RAB8B: variants seen among roughly 807,000 people sequenced by gnomAD.
RAB8B encodes ras-related protein Rab-8B.
RAB8B carries 11 observed loss-of-function variants against 32.0 expected under a neutral mutation model. That is an observed-to-expected ratio of 0.34 (90% CI 0.22 to 0.57). The LOEUF (loss-of-function observed/expected upper bound fraction) is 0.57, where lower values mean the gene tolerates loss of function less well. Among genes scored for constraint, RAB8B ranks in the 20% least tolerant of loss-of-function variants. RAB8B has a pLI of 0.86. For missense variants in RAB8B, 190 were observed against 258.5 expected, an observed-to-expected ratio of 0.73 and a Z score of 1.82; for synonymous variants, 103 against 89.6, an observed-to-expected ratio of 1.15 and a Z score of -0.85.
At chr15:63,202,799 C>T (rs1189244348) in intron 1 of RAB8B, among the ~76,000 whole-genome samples, 1 of 152,194 alleles carries the variant, frequency 6.6e-6, no homozygotes, top group Non-Finnish European at 1.5e-5. Flanking sequence ...AAGTTTTCCT[C>T]GCAGACACAG....
At chr15:63,251,317 C>G (rs1169109469) in intron 3 of RAB8B, 1 of 455,904 alleles carries the variant, frequency 2.2e-6, no homozygotes, top group East Asian at 7.0e-5. Flanking sequence ...AACATCATAA[C>G]AGGGATGATT....
At chr15:63,201,400 C>T (rs566921063) in intron 1 of RAB8B, among the ~76,000 whole-genome samples, 6 of 152,270 alleles carry the variant, frequency 3.9e-5, no homozygotes, top group African/African-American at 1.4e-4. Flanking sequence ...CTGGGCAGAG[C>T]CACTCCTGCC....
At chr15:63,206,029 G>A (rs560282589) in intron 1 of RAB8B, among the ~76,000 whole-genome samples, 1 of 152,308 alleles carries the variant, frequency 6.6e-6, no homozygotes, top group East Asian at 1.9e-4. Flanking sequence ...TAGGCACACA[G>A]TATCTGTTTG....
At chr15:63,229,052 T>C (rs1252799907) in intron 1 of RAB8B, among the ~76,000 whole-genome samples, 3 of 152,242 alleles carry the variant, frequency 2.0e-5, no homozygotes, top group African/African-American at 7.2e-5. Context: ...GCCACGTTTA[T>C]AACATGATAA....
rs752724450 is a variant in RAB8B, at chr15:63,259,700, G to A, written c.480+8G>A. 1.2e-6 allele frequency: 2 copies of A among 1,612,588 alleles called. No homozygotes were observed. The highest frequency in any genetic ancestry group is 1.7e-6 in the Non-Finnish European group (2 of 1,178,568). On this transcript the variant is annotated splice_region_variant and intron_variant, in intron 6 of 7. Transcript: ENST00000321437. The surrounding 1 kb of genome is among the most constrained non-coding windows in gnomAD (Gnocchi z 4.4). ...AGTGCAAATGTAGAAGAGGTAAGAA[G>A]GAAACGTTTGGTGACTGTTACGGAG...
intron 1 of RAB8B, among the ~76,000 whole-genome samples, chr15:63,211,716 ACTAGTCAAT>A (rs1433164970): frequency 6.6e-6 from 1 of 152,210 alleles, no homozygotes; most frequent in Non-Finnish European, 1.5e-5. Context: ...ATTGACTGAC[ACTAGTCAAT>A]TGCAACTAGT....
At position 63,230,987 on chromosome 15, in the gene RAB8B, C is replaced by G. The variant is rs576992199; in HGVS notation, c.125-13769C>G. Among the ~76,000 whole-genome samples the G allele has an allele frequency of 4.6e-5, 7 of 152,258 alleles. No homozygotes were observed. The East Asian group carries it at 1.4e-3, about 29-fold the overall frequency. On this transcript the variant is annotated intron_variant, in intron 1 of 7. Transcript: ENST00000321437. Reference sequence around the variant, plus strand: ...ATTTGGTAAAGACCCTTCCTCCTCCCCTCTCTACTAAAATGTTTATTTGTA... The same window carrying G: ...ATTTGGTAAAGACCCTTCCTCCTCCGCTCTCTACTAAAATGTTTATTTGTA...
intron 3 of RAB8B, among the ~76,000 whole-genome samples, chr15:63,254,062 A>G (rs766042054): frequency 2.0e-5 from 3 of 152,184 alleles, no homozygotes; most frequent in Admixed American, 2.0e-4. Flanking sequence ...CCCTCCGCCC[A>G]TTAGATCTGT....
chr15:63,263,175 C>T (rs1036486419), intron 7 of RAB8B, among the ~76,000 whole-genome samples: 1 of 152,172 alleles, frequency 6.6e-6, no homozygotes, highest in African/African-American at 2.4e-5. Flanking sequence ...GCTACTAACT[C>T]TTCTTACCTC....
rs1442115676 is a variant in RAB8B, at chr15:63,263,701, TCA to T, written c.*86_*87del. 3 of 1,130,936 alleles carry T rather than the reference TCA, an allele frequency of 2.7e-6. No homozygotes were observed. Among genetic ancestry groups the T allele is most frequent in the African/African-American group, 3.1e-5 (2 of 64,910 alleles). 70.1% of individuals were successfully genotyped at this position (1,130,936 alleles called of 1,614,324 possible). A position where few individuals can be genotyped will look rare whatever the true frequency, so the allele number is the denominator to read the frequency against. On this transcript the variant is annotated 3_prime_UTR_variant, in exon 8 of 8. Transcript: ENST00000321437. Reference sequence around the variant, plus strand: ...AAGCACAGGTCACCCAGCCTCAGAATCACACCTCCCGGCTGCTGCTGAGAGCA... The same window carrying T: ...AAGCACAGGTCACCCAGCCTCAGAATCACCTCCCGGCTGCTGCTGAGAGCA...
intron 3 of RAB8B, chr15:63,251,142 A>G: frequency 2.5e-6 from 1 of 393,262 alleles, no homozygotes; most frequent in East Asian, 7.1e-5. Context: ...ACCCTATAAT[A>G]CTTTTAAGAT....
chr15:63,235,064 G>T lies in RAB8B; in HGVS notation c.125-9692G>T, dbSNP rs568364097. 2.0e-5 allele frequency among the ~76,000 whole-genome samples: 3 copies of T among 152,212 alleles called. No homozygotes were observed. The East Asian group carries it at 5.8e-4, about 29-fold the overall frequency. Reference sequence around the variant, plus strand: ...CTTGATCCAATCTGAACTTGATCCAGTATTAGTTACCTGGAAATCTGACAT... The same window carrying T: ...CTTGATCCAATCTGAACTTGATCCATTATTAGTTACCTGGAAATCTGACAT... On this transcript the variant is annotated intron_variant, in intron 1 of 7. Coordinates refer to ENST00000321437, the MANE Select transcript of RAB8B (RefSeq NM_016530.3).
chr15:63,254,279 C>T (rs1235823565), intron 3 of RAB8B, among the ~76,000 whole-genome samples: 1 of 152,216 alleles, frequency 6.6e-6, no homozygotes, highest in African/African-American at 2.4e-5. Context: ...CCCCTGCCCA[C>T]TCCAGCCCCT....
chr15:63,200,427 A>G (rs539547945), intron 1 of RAB8B, among the ~76,000 whole-genome samples: 1 of 152,356 alleles, frequency 6.6e-6, no homozygotes, highest in Non-Finnish European at 1.5e-5. Flanking sequence ...CTTATTGAAA[A>G]TTGTAAAAGT....
chr15:63,233,038 T>C (rs1455829966), intron 1 of RAB8B, among the ~76,000 whole-genome samples: 1 of 144,108 alleles, frequency 6.9e-6, no homozygotes. Context: ...CTCTTTTTTT[T>C]CAATCTAAGT....
chr15:63,242,154 G>A (rs2141134726), intron 1 of RAB8B, among the ~76,000 whole-genome samples: 1 of 151,596 alleles, frequency 6.6e-6, no homozygotes, highest in East Asian at 2.0e-4. Flanking sequence ...GGTTGAGAAG[G>A]TGTTCTGCTA....
intron 6 of RAB8B, among the ~76,000 whole-genome samples, chr15:63,261,987 C>T (rs1430778443): frequency 6.6e-6 from 1 of 152,030 alleles, no homozygotes; most frequent in Non-Finnish European, 1.5e-5. Flanking sequence ...GGAATTTAGC[C>T]GAGAGCTCCA....
At chr15:63,253,300 T>C (rs1002866928) in intron 3 of RAB8B, among the ~76,000 whole-genome samples, 1 of 152,234 alleles carries the variant, frequency 6.6e-6, no homozygotes, top group African/African-American at 2.4e-5. Flanking sequence ...TTTTATTTCA[T>C]GTATTCTTTG....
chr15:63,247,982 T>C (rs2038084630), intron 2 of RAB8B, among the ~76,000 whole-genome samples: 1 of 152,224 alleles, frequency 6.6e-6, no homozygotes, highest in South Asian at 2.1e-4. Flanking sequence ...CCAAATATTT[T>C]ACAGATTTAA....
Sources: gnomAD v4.1 joint callset for allele counts (sites outside exome capture counted in the v4.1 genomes callset) on GRCh38, gnomAD v4.1.1 for gene constraint, Gnocchi (gnomAD v3.1) non-coding constraint, MANE v1.5 for transcripts, NCBI Gene and HGNC (gene_info 2026-07-23, HGNC 2026-07-21) for gene names.